Variants in SRP72 observed in about 807,000 individuals in gnomAD.
SRP72 encodes the protein signal recognition particle subunit SRP72.
Under a neutral mutation model 96.3 loss-of-function variants are expected in SRP72, and 49 were observed. The observed-to-expected ratio is 0.51, with a 90% CI of 0.40 to 0.65. The LOEUF (loss-of-function observed/expected upper bound fraction) is 0.65. Ranked by LOEUF, SRP72 falls within the 30% of genes least tolerant of loss-of-function variation. The pLI is 0.00. For synonymous variants in SRP72, 267 were observed against 275.2 expected, an observed-to-expected ratio of 0.97 and a Z score of 0.30; for missense variants, 736 against 793.3, an observed-to-expected ratio of 0.93 and a Z score of 0.87.
chr4:56,500,553 T>G lies in SRP72; in HGVS notation c.1696T>G (p.Tyr566Asp). Residue 566 changes from tyrosine (Y) to aspartate (D), a missense_variant, in exon 18 of 19, where the codon TAT becomes GAT. Transcript: ENST00000642900. ...TTATGCAGGAAAATTGCCTAAGAAT[T>G]ATGACCCAAAAGTTACCCCAGATCC... ...KKKKGKLPKN[Y>D]DPKVTPDPER... 6.2e-7 allele frequency: 1 copy of G among 1,613,170 alleles called. No homozygotes were observed. The highest frequency in any genetic ancestry group is 8.5e-7 in the Non-Finnish European group (1 of 1,179,618).
Position 56,467,651 on chromosome 4 carries a change from A to G in SRP72, c.16A>G (p.Ser6Gly), listed in dbSNP as rs758030928. The G allele has an allele frequency of 1.9e-6, 3 of 1,558,992 alleles. No homozygotes were observed. Among genetic ancestry groups the G allele is most frequent in the Non-Finnish European group, 1.7e-6 (2 of 1,154,412 alleles). Residue 6 changes from serine to glycine, a missense_variant, in exon 1 of 19, where the codon AGC (serine) becomes GGC (glycine). Ser to Gly is a moderately conservative substitution (Grantham distance 56). Around this residue, in one of 3 missense-constraint regions of SRP72, gnomAD observed 329 missense variants for 319.0 expected, o/e 1.03. Coordinates refer to ENST00000642900, the MANE Select transcript of SRP72 (RefSeq NM_006947.4). MASGG[S>G]GGVSVPALWS... ...CTCCTCCAAGATGGCGAGCGGCGGC[A>G]GCGGGGGGGTGTCAGTACCTGCGCT...
chr4:56,501,669 A>G lies in SRP72; in HGVS notation c.1839-15A>G, dbSNP rs1400608917. On this transcript the variant is annotated splice_polypyrimidine_tract_variant and intron_variant, in intron 18 of 18. Coordinates refer to ENST00000642900, the MANE Select transcript of SRP72 (RefSeq NM_006947.4). ...TTGAATATATGAGTGACCAAAAATG[A>G]TCTGATGATTTCAGGGATGCCAGTA... 1 of 1,610,016 alleles carries G rather than the reference A, an allele frequency of 6.2e-7. No homozygotes were observed. The highest frequency in any genetic ancestry group is 2.2e-5 in the East Asian group (1 of 44,836).
intron 9 of SRP72, among the ~76,000 whole-genome samples, chr4:56,484,040 T>TTTTTTTTTTTTTTTTTTTTG (rs1720609887): frequency 7.3e-6 from 1 of 137,614 alleles, no homozygotes; most frequent in African/African-American, 2.8e-5. Flanking sequence ...TTTTTTTTTT[T>TTTTTTTTTTTTTTTTTTTTG]TTTTTTTTTT....
chr4:56,469,972 GTTT>G lies in SRP72; in HGVS notation c.230+214_230+216del, dbSNP rs150238707. On this transcript the variant is annotated intron_variant, in intron 2 of 18. Coordinates refer to ENST00000642900, the MANE Select transcript of SRP72 (RefSeq NM_006947.4). ...CTTCTGTTTTTTTCAGCCTTAGAGA[GTTT>G]TTTTTTTTTTTTTTAACCACTGTGT... 2.0e-4 allele frequency among the ~76,000 whole-genome samples: 26 copies of G among 131,422 alleles called. No individual in the cohort carries two copies. In the South Asian group the frequency reaches 2.4e-3, roughly 12 times the overall value. 86.2% of individuals were successfully genotyped at this position (131,422 alleles called of 152,430 possible). A position where few individuals can be genotyped will look rare whatever the true frequency, so the allele number is the denominator to read the frequency against.
At position 56,476,469 on chromosome 4, in the gene SRP72, C is replaced by A. The variant is rs1579019; in HGVS notation, c.611-202C>A. The A allele has an allele frequency of 0.1, 58,356 of 556,240 alleles. 3,869 individuals are homozygous for A. The highest frequency in any genetic ancestry group is 0.22 in the African/African-American group (11,314 of 51,158). 34.5% of individuals were successfully genotyped at this position (556,240 alleles called of 1,614,324 possible). On this transcript the variant is annotated intron_variant, in intron 5 of 18. Coordinates refer to ENST00000642900, the MANE Select transcript of SRP72 (RefSeq NM_006947.4). ...TTAGCACAGACACAACAAATGAAAGCAAAGTGCCAAAGAGCTGGGAAAGTC... is the reference window on the plus strand; with the variant it reads ...TTAGCACAGACACAACAAATGAAAGAAAAGTGCCAAAGAGCTGGGAAAGTC...
chr4:56,481,979 G>A (rs1379947244), intron 8 of SRP72, among the ~76,000 whole-genome samples: 1 of 150,750 alleles, frequency 6.6e-6, no homozygotes, highest in East Asian at 2.0e-4. Context: ...GGCCAGGCTG[G>A]TCCCGAACTC....
At chr4:56,482,604 A>G (rs955267453) in intron 8 of SRP72, among the ~76,000 whole-genome samples, 2 of 152,214 alleles carry the variant, frequency 1.3e-5, no homozygotes, top group Non-Finnish European at 2.9e-5. Context: ...GTAGTCTGGA[A>G]CCAAACACGA....
At chr4:56,480,785 A>C (rs1560680192) in intron 8 of SRP72, among the ~76,000 whole-genome samples, 1 of 152,100 alleles carries the variant, frequency 6.6e-6, no homozygotes, top group Non-Finnish European at 1.5e-5. Flanking sequence ...TTCATGTTTA[A>C]ATTTTTTGTC....
chr4:56,481,945 T>A (rs941755793), intron 8 of SRP72, among the ~76,000 whole-genome samples: 1 of 151,180 alleles, frequency 6.6e-6, no homozygotes, highest in Non-Finnish European at 1.5e-5. Flanking sequence ...GTATTTTTAG[T>A]AGAGATGGGG....
intron 1 of SRP72, among the ~76,000 whole-genome samples, chr4:56,468,814 G>A (rs1719854080): frequency 6.6e-6 from 1 of 152,182 alleles, no homozygotes; most frequent in Non-Finnish European, 1.5e-5. Context: ...ACTTAGTATA[G>A]TATTTTGCAG....
At chr4:56,486,163 G>T in intron 10 of SRP72, 162 bp from the exon 11 acceptor site, 1 of 523,180 alleles carries the variant, frequency 1.9e-6, no homozygotes, top group Non-Finnish European at 3.4e-6. Flanking sequence ...AAAAAAGTGA[G>T]TGTTGAATAA....
chr4:56,497,224 ATTT>A (rs1301875613), intron 17 of SRP72, among the ~76,000 whole-genome samples: 1 of 142,690 alleles, frequency 7.0e-6, no homozygotes. Context: ...TTATTTATTT[ATTT>A]TTTTTTTTTT....
Position 56,486,236 on chromosome 4 carries a change from A to G in SRP72, c.1087-89A>G, listed in dbSNP as rs1007546770. 4.2e-6 allele frequency: 4 copies of G among 958,462 alleles called. No homozygotes were observed. In the African/African-American group the frequency reaches 6.7e-5, roughly 16 times the overall value. 59.4% of individuals were successfully genotyped at this position (958,462 alleles called of 1,614,324 possible). ...AGTTTAATGTTTTAAAACTGGATTT[A>G]AAATCTTATGTAGCTAAGTAATTGT... On this transcript the variant is annotated intron_variant, in intron 10 of 18. Coordinates refer to ENST00000642900, the MANE Select transcript of SRP72 (RefSeq NM_006947.4).
At chr4:56,500,392 T>C (rs996150083) in intron 17 of SRP72, 144 bp from the exon 18 acceptor site, 8 of 872,724 alleles carry the variant, frequency 9.2e-6, no homozygotes, top group Non-Finnish European at 1.4e-5. Context: ...CCATTTCGCC[T>C]GCTAGATTAT....
intron 16 of SRP72, among the ~76,000 whole-genome samples, chr4:56,494,204 TA>T (rs1721001968): frequency 2.0e-5 from 3 of 152,152 alleles, no homozygotes; most frequent in African/African-American, 7.2e-5. Context: ...AACACTCAAG[TA>T]AGATACAGTA....
intron 9 of SRP72, among the ~76,000 whole-genome samples, 200 bp downstream of exon 9, chr4:56,483,470 T>C (rs1720579786): frequency 6.6e-6 from 1 of 152,130 alleles, no homozygotes. Flanking sequence ...CCTAGCACTT[T>C]GGGAGGTTGA....
At chr4:56,497,820 A>T (rs1028701640) in intron 17 of SRP72, among the ~76,000 whole-genome samples, 3 of 152,198 alleles carry the variant, frequency 2.0e-5, no homozygotes, top group African/African-American at 7.2e-5. Context: ...TTCCCCTAGT[A>T]TAGTGTTGGT....
At chr4:56,483,599 G>A (rs971247864) in intron 9 of SRP72, among the ~76,000 whole-genome samples, 2 of 151,534 alleles carry the variant, frequency 1.3e-5, no homozygotes, top group African/African-American at 4.9e-5. Context: ...TGAGGCACAA[G>A]AATTGTTTGC....
At chr4:56,485,832 T>G (rs1182708475) in intron 10 of SRP72, among the ~76,000 whole-genome samples, 2 of 151,964 alleles carry the variant, frequency 1.3e-5, no homozygotes, top group Non-Finnish European at 1.5e-5. Flanking sequence ...AGGTTGGAAA[T>G]GTATGACTGC....
Sources: gnomAD v4.1 joint callset for allele counts (sites outside exome capture counted in the v4.1 genomes callset) on GRCh38, gnomAD v4.1.1 for gene constraint, gnomAD v4.1.1 regional missense constraint, MANE v1.5 for transcripts, NCBI Gene and HGNC (gene_info 2026-07-23, HGNC 2026-07-21) for gene names.